SEC14L1: variants seen among roughly 807,000 people sequenced by gnomAD.
The protein encoded by SEC14L1 is SEC14-like protein 1.
SEC14L1 carries 48 observed loss-of-function variants against 85.3 expected under a neutral mutation model. The ratio of observed to expected loss-of-function variants is 0.56; its 90% CI spans 0.45 to 0.72. SEC14L1 has a LOEUF of 0.72. Among genes scored for constraint, SEC14L1 ranks in the 30% least tolerant of loss-of-function variants. SEC14L1 has a pLI of 0.00. For synonymous variants in SEC14L1, 391 were observed against 355.5 expected, an observed-to-expected ratio of 1.10 and a Z score of -1.12; for missense variants, 682 against 921.4, an observed-to-expected ratio of 0.74 and a Z score of 3.36.
intron 3 of SEC14L1, among the ~76,000 whole-genome samples, chr17:77,131,872 G>T (rs550261944): frequency 5.3e-5 from 8 of 152,204 alleles, no homozygotes; most frequent in Non-Finnish European, 1.0e-4. Context: ...AAGACTCTTA[G>T]GTAGATAAAC....
chr17:77,157,208 A>G (rs1180009743), intron 3 of SEC14L1, among the ~76,000 whole-genome samples: 1 of 152,250 alleles, frequency 6.6e-6, no homozygotes, highest in Non-Finnish European at 1.5e-5. Context: ...ACATATTTTA[A>G]GAAGTAAATT....
In SEC14L1 at chr17:77,197,716, TCTC is replaced by T. The variant is rs138412890; in HGVS notation, c.819+1408_819+1410del. ...TCTCTGTCTCCCAGGTTCAGGCTAT[TCTC>T]CTGCCTCAGCCTCCTGAGAGCTGGG... On this transcript the variant is annotated intron_variant, in intron 8 of 16. Transcript: ENST00000436233. Among the ~76,000 whole-genome samples the T allele has an allele frequency of 3.4e-3, 516 of 152,232 alleles. 1 individual carries two copies. Among genetic ancestry groups the T allele is most frequent in the African/African-American group, 0.012 (493 of 41,528 alleles).
At chr17:77,115,747 A>C (rs1458635613) in intron 3 of SEC14L1, among the ~76,000 whole-genome samples, 1 of 152,182 alleles carries the variant, frequency 6.6e-6, no homozygotes, top group Non-Finnish European at 1.5e-5. Context: ...TCTAAGTGAA[A>C]AGGAACAAAA....
chr17:77,216,434 T>G lies in SEC14L1; in HGVS notation c.*2411T>G. The stretch of plus-strand genomic sequence containing the variant: ...CGTAGGTAGGGTTCGTAGGTAGGGT[T>G]CGTAGGTAGGGTTAGTAGCGCGTCT... On this transcript the variant is annotated 3_prime_UTR_variant, in exon 17 of 17. Transcript: ENST00000436233. 6.3e-7 allele frequency: 1 copy of G among 1,582,690 alleles called. No homozygotes were observed.
chr17:77,203,766 A>G (rs1381820201), intron 10 of SEC14L1, 108 bp downstream of exon 10: 2 of 776,846 alleles, frequency 2.6e-6, no homozygotes, highest in Non-Finnish European at 4.3e-6. Flanking sequence ...TGAATTGCTT[A>G]TGTAGTTAGG....
At chr17:77,166,427 T>C (rs1474027686) in intron 3 of SEC14L1, among the ~76,000 whole-genome samples, 1 of 152,216 alleles carries the variant, frequency 6.6e-6, no homozygotes, top group African/African-American at 2.4e-5. Context: ...AAGCCTGTGC[T>C]CTGAAATAGA....
At chr17:77,210,755 TC>T (rs914401549) in intron 14 of SEC14L1, 1 of 152,248 alleles carries the variant, frequency 6.6e-6, no homozygotes, top group Non-Finnish European at 1.5e-5. Context: ...GAGTCCTTGT[TC>T]CTTGTTTGTT....
intron 10 of SEC14L1, 30 bp downstream of exon 10, chr17:77,203,688 C>G: frequency 6.4e-7 from 1 of 1,566,202 alleles, no homozygotes; most frequent in Non-Finnish European, 8.7e-7. Flanking sequence ...ACTCCAGGTG[C>G]CACTGTGGCG....
In SEC14L1 at chr17:77,203,631, G is replaced by T; in HGVS notation, c.1071G>T (p.Ala357=). The T allele has an allele frequency of 1.2e-6, 2 of 1,613,560 alleles. No homozygotes were observed. Among genetic ancestry groups the T allele is most frequent in the Non-Finnish European group, 8.5e-7 (1 of 1,179,830 alleles). The change falls in exon 10 of 17, where the codon GCG becomes GCT. Residue 357 remains alanine (A), a synonymous_variant. Transcript: ENST00000436233. The part of the protein sequence containing the change: ...GQMDTKGLVR[A]LGEEALLRYV... ...TGGACACCAAAGGCTTGGTGAGAGC[G>T]CTCGGGGAGGAAGCCCTGCTGAGAT...
chr17:77,132,194 T>G (rs1017694193), intron 3 of SEC14L1, among the ~76,000 whole-genome samples: 6 of 152,186 alleles, frequency 3.9e-5, no homozygotes, highest in African/African-American at 1.4e-4. Context: ...CAAAGTGGTC[T>G]CTTCCTTTAT....
intron 3 of SEC14L1, among the ~76,000 whole-genome samples, chr17:77,106,439 G>A (rs941732856): frequency 1.3e-5 from 2 of 151,420 alleles, no homozygotes; most frequent in African/African-American, 2.4e-5. Flanking sequence ...GACTGAGGCA[G>A]GAGAATCGCT....
At position 77,206,553 on chromosome 17, in the gene SEC14L1, A is replaced by G. The variant is rs1476947037; in HGVS notation, c.1341+153A>G. On this transcript the variant is annotated intron_variant, in intron 12 of 16. Transcript: ENST00000436233. The surrounding 1 kb of genome is among the most constrained non-coding windows in gnomAD (Gnocchi z 4.3). ...TAAAATTTCTCAAATTGTTTAAGAA[A>G]GGGGAAAAACAAAATGTGAGTGTCC... is the stretch of plus-strand genomic sequence containing the variant. 6.6e-6 allele frequency among the ~76,000 whole-genome samples: 1 copy of G among 152,252 alleles called. No homozygotes were observed. Among genetic ancestry groups the G allele is most frequent in the Non-Finnish European group, 1.5e-5 (1 of 68,046 alleles).
chr17:77,196,346 A>G, intron 8 of SEC14L1, 35 bp downstream of exon 8: 1 of 1,245,408 alleles, frequency 8.0e-7, no homozygotes, highest in Non-Finnish European at 1.2e-6. Context: ...GTGCAGGGCC[A>G]GAGCTACGTG....
intron 14 of SEC14L1, 117 bp from the exon 15 acceptor site, chr17:77,211,833 G>A (rs781313154): frequency 1.4e-4 from 188 of 1,334,314 alleles, no homozygotes; most frequent in Non-Finnish European, 1.8e-4. Context: ...CGCATTCAGC[G>A]TTTCCCTCCC....
At position 77,212,567 on chromosome 17, in the gene SEC14L1, A is replaced by G. The variant is rs1322157815; in HGVS notation, c.1863+366A>G. ...CACCCTAAATAGAAGTAAGAGGGAC[A>G]AGTACTTAGAGAACTATTAGCTCTC... is the stretch of plus-strand genomic sequence containing the variant. On this transcript the variant is annotated intron_variant, in intron 15 of 16. Coordinates refer to ENST00000436233, the MANE Select transcript of SEC14L1 (RefSeq NM_001143998.2). 6 of 254,332 alleles carry G rather than the reference A, an allele frequency of 2.4e-5. No individual in the cohort carries two copies. In the Admixed American group the frequency reaches 2.5e-4, roughly 11 times the overall value. 15.8% of individuals were successfully genotyped at this position (254,332 alleles called of 1,614,324 possible). A position where few individuals can be genotyped will look rare whatever the true frequency, so the allele number is the denominator to read the frequency against.
chr17:77,125,009 A>G (rs925815192), intron 3 of SEC14L1, among the ~76,000 whole-genome samples: 2 of 97,944 alleles, frequency 2.0e-5, no homozygotes, highest in African/African-American at 1.4e-4. Context: ...TTTTATTATT[A>G]TTATATATTT....
intron 9 of SEC14L1, among the ~76,000 whole-genome samples, chr17:77,203,251 C>G (rs1976266881): frequency 6.6e-6 from 1 of 152,202 alleles, no homozygotes; most frequent in African/African-American, 2.4e-5. Flanking sequence ...GTTGTTCAGA[C>G]TGAGCCCAGC....
rs184361142 is a variant in SEC14L1, at chr17:77,125,909, T to C, written c.-135-16737T>C. Among the ~76,000 whole-genome samples the C allele has an allele frequency of 1.0e-3, 156 of 152,310 alleles. 3 individuals carry two copies. The East Asian group carries it at 0.024, about 24-fold the overall frequency. On this transcript the variant is annotated intron_variant, in intron 3 of 19. Coordinates refer to the SEC14L1 transcript ENST00000392476. The stretch of plus-strand genomic sequence containing the variant: ...GCTCACACCTGTAATCCCAACACTT[T>C]GGGAGGCCCAGGCAGGCAAATCACC...
At chr17:77,117,369 C>CA (rs1290066107) in intron 3 of SEC14L1, among the ~76,000 whole-genome samples, 2 of 151,224 alleles carry the variant, frequency 1.3e-5, no homozygotes, top group Admixed American at 6.6e-5. Flanking sequence ...CAAAACAAAA[C>CA]AAAAAAAATG....
Sources: gnomAD v4.1 joint callset for allele counts (sites outside exome capture counted in the v4.1 genomes callset) on GRCh38, gnomAD v4.1.1 for gene constraint, Gnocchi (gnomAD v3.1) non-coding constraint, MANE v1.5 for transcripts, NCBI Gene and HGNC (gene_info 2026-07-23, HGNC 2026-07-21) for gene names.